SPAG9: variants seen among roughly 807,000 people sequenced by gnomAD.
SPAG9 encodes C-Jun-amino-terminal kinase-interacting protein 4.
In SPAG9, 35 loss-of-function variants were observed where a neutral mutation model predicts 166.5. The ratio of observed to expected loss-of-function variants is 0.21; its 90% CI spans 0.16 to 0.28. The LOEUF is 0.28. SPAG9 is among the 10% of genes least tolerant of loss of function. SPAG9 has a pLI of 1.00. For synonymous variants in SPAG9, 534 were observed against 565.5 expected, an observed-to-expected ratio of 0.94 and a Z score of 0.79; for missense variants, 1,235 against 1,603.3, an observed-to-expected ratio of 0.77 and a Z score of 3.92.
At chr17:51,077,041 T>TCTAGCTAGCTAGCTATCTAGCTAG (rs1219566936) in intron 2 of SPAG9, among the ~76,000 whole-genome samples, 1 of 98,518 alleles carries the variant, frequency 1.0e-5, no homozygotes, top group Non-Finnish European at 2.3e-5. Flanking sequence ...TATCTAGCTA[T>TCTAGCTAGCTAGCTATCTAGCTAG]CTAGCTATCT....
intron 12 of SPAG9, among the ~76,000 whole-genome samples, chr17:51,003,150 G>T (rs1361660207): frequency 6.6e-6 from 1 of 151,882 alleles, no homozygotes; most frequent in Non-Finnish European, 1.5e-5. Flanking sequence ...GAGGCAGGAG[G>T]ATCACTTGAG....
At chr17:51,063,385 C>T (rs1469832315) in intron 2 of SPAG9, among the ~76,000 whole-genome samples, 2 of 148,416 alleles carry the variant, frequency 1.3e-5, no homozygotes, top group African/African-American at 5.0e-5. Flanking sequence ...GCACTCCAGC[C>T]TGGGCCACAG....
At chr17:51,064,949 C>T (rs1190033198) in intron 2 of SPAG9, among the ~76,000 whole-genome samples, 1 of 151,936 alleles carries the variant, frequency 6.6e-6, no homozygotes, top group Non-Finnish European at 1.5e-5. Flanking sequence ...TGATGAAACC[C>T]CGTCTCTACT....
At chr17:51,076,043 C>G (rs1390048244) in intron 2 of SPAG9, among the ~76,000 whole-genome samples, 2 of 150,754 alleles carry the variant, frequency 1.3e-5, no homozygotes. Flanking sequence ...TGCAGTGAGC[C>G]AAGATCGCGC....
chr17:50,987,325 T>G, intron 21 of SPAG9, 88 bp from the exon 22 acceptor site: 3 of 1,169,840 alleles, frequency 2.6e-6, no homozygotes, highest in Non-Finnish European at 3.6e-6. Flanking sequence ...ATATTTAAGT[T>G]TGTTCATTTG....
At chr17:50,971,881 C>G (rs370235461) in intron 28 of SPAG9, among the ~76,000 whole-genome samples, 237 of 152,230 alleles carry the variant, frequency 1.6e-3, no homozygotes, top group African/African-American at 5.5e-3. Context: ...AATTCTCTTG[C>G]CTCAGCCTCC....
chr17:51,007,542 C>T (rs1480231114), intron 9 of SPAG9, among the ~76,000 whole-genome samples: 6 of 151,786 alleles, frequency 4.0e-5, no homozygotes, highest in Non-Finnish European at 8.8e-5. Context: ...ATTTTGTTGG[C>T]CTATTTCTTT....
intron 2 of SPAG9, among the ~76,000 whole-genome samples, chr17:51,074,409 G>C (rs1227767308): frequency 6.6e-6 from 1 of 152,130 alleles, no homozygotes; most frequent in Non-Finnish European, 1.5e-5. Flanking sequence ...CAGAGCAAGG[G>C]TCCAGCTCAA....
chr17:51,022,592 A>C (rs1439046596), intron 6 of SPAG9, among the ~76,000 whole-genome samples: 1 of 151,810 alleles, frequency 6.6e-6, no homozygotes, highest in African/African-American at 2.4e-5. Flanking sequence ...CCAGGTTTTA[A>C]GAAAAGAGAA....
At chr17:50,982,703 A>G (rs765100653) in intron 24 of SPAG9, 31 bp from the exon 25 acceptor site, 1 of 1,555,228 alleles carries the variant, frequency 6.4e-7, no homozygotes, top group Non-Finnish European at 8.7e-7. Context: ...TATAGTAAAT[A>G]CATACCACCT....
chr17:51,099,010 G>C (rs2048723909), intron 1 of SPAG9, among the ~76,000 whole-genome samples: 1 of 149,016 alleles, frequency 6.7e-6, no homozygotes, highest in Non-Finnish European at 1.5e-5. Flanking sequence ...TGAGGCAGAA[G>C]AACTGCTTGA....
chr17:51,016,003 A>G (rs2144119113), intron 8 of SPAG9, among the ~76,000 whole-genome samples: 2 of 152,294 alleles, frequency 1.3e-5, no homozygotes, highest in East Asian at 1.9e-4. Flanking sequence ...AAAAATCAAG[A>G]AAGTGACAAT....
chr17:51,045,230 C>A (rs1027019577), intron 4 of SPAG9, among the ~76,000 whole-genome samples: 1 of 152,168 alleles, frequency 6.6e-6, no homozygotes, highest in Admixed American at 6.5e-5. Context: ...GCTCACGGCA[C>A]TGCCCTCTCA....
rs1467929687 is a variant in SPAG9, at chr17:51,053,853, AAGTATATATATATATATATATAT to A, written c.495+2536_495+2558del. On this transcript the variant is annotated intron_variant, in intron 3 of 29. Transcript: ENST00000262013. Reference sequence around the variant, plus strand: ...ACCCTAATTAAAAAAAAAAAAAAAAAAGTATATATATATATATATATATATATATATATATATATATATATAAA... The same window carrying A: ...ACCCTAATTAAAAAAAAAAAAAAAAAATATATATATATATATATATATAAA... Among the ~76,000 whole-genome samples, 17 of 56,154 alleles carry A rather than the reference AAGTATATATATATATATATATAT, an allele frequency of 3.0e-4. 1 individual carries two copies. The highest frequency in any genetic ancestry group is 1.0e-3 in the Admixed American group (4 of 3,844). 36.8% of individuals were successfully genotyped at this position (56,154 alleles called of 152,430 possible).
intron 2 of SPAG9, among the ~76,000 whole-genome samples, chr17:51,070,502 T>C (rs763170274): frequency 8.5e-5 from 13 of 152,206 alleles, no homozygotes; most frequent in Non-Finnish European, 8.8e-5. Context: ...AACTTGTAGA[T>C]GTAAAAAAAT....
intron 4 of SPAG9, chr17:51,046,525 T>C: frequency 6.5e-7 from 1 of 1,536,174 alleles, no homozygotes; most frequent in Non-Finnish European, 8.7e-7. Flanking sequence ...AGGTTCTGCG[T>C]CAGAGCTGGC....
chr17:51,085,139 C>T (rs926228690), intron 1 of SPAG9, among the ~76,000 whole-genome samples: 2 of 152,180 alleles, frequency 1.3e-5, no homozygotes, highest in South Asian at 2.1e-4. Flanking sequence ...TAAGCCACCG[C>T]ACCCAGCCCA....
At chr17:51,032,816 C>A (rs1444209619) in intron 5 of SPAG9, among the ~76,000 whole-genome samples, 1 of 152,028 alleles carries the variant, frequency 6.6e-6, no homozygotes, top group Non-Finnish European at 1.5e-5. Context: ...CTCCTGTAAT[C>A]CCAGCTGCTC....
chr17:51,007,787 CA>C (rs750315022), intron 9 of SPAG9: 2 of 441,140 alleles, frequency 4.5e-6, no homozygotes, highest in South Asian at 1.6e-5. Context: ...AGAGAACAGG[CA>C]AAAACAAGGC....
Sources: allele counts gnomAD v4.1 joint callset (sites outside exome capture counted in the v4.1 genomes callset), GRCh38; gene constraint gnomAD v4.1.1; transcripts MANE v1.5; gene names NCBI Gene and HGNC (gene_info 2026-07-23, HGNC 2026-07-21).